JADE1: variants seen among roughly 807,000 people sequenced by gnomAD.
The protein encoded by JADE1 is protein Jade-1.
In JADE1, 14 loss-of-function variants were observed where a neutral mutation model predicts 81.8. The ratio of observed to expected loss-of-function variants is 0.17; its 90% CI spans 0.11 to 0.27. JADE1 has a LOEUF of 0.27. JADE1 is among the 10% of genes least tolerant of loss of function. The probability of loss-of-function intolerance (pLI) is 1.00; values close to 1 mark genes in which losing one functional copy is unlikely to be tolerated. For synonymous variants in JADE1, 353 were observed against 391.9 expected, an observed-to-expected ratio of 0.90 and a Z score of 1.17; for missense variants, 690 against 1,047.9, an observed-to-expected ratio of 0.66 and a Z score of 4.71.
At chr4:128,863,312 T>C in intron 9 of JADE1, 1 of 985,552 alleles carries the variant, frequency 1.0e-6, no homozygotes, top group Non-Finnish European at 1.2e-6. Flanking sequence ...CCCTGGCTGC[T>C]GGCTACCGAT....
At chr4:128,848,417 G>A (rs942513691) in intron 4 of JADE1, among the ~76,000 whole-genome samples, 9 of 152,174 alleles carry the variant, frequency 5.9e-5, no homozygotes, top group African/African-American at 2.2e-4. Context: ...GACCTCAAAT[G>A]ATCCGCCTGC....
At chr4:128,810,949 A>G (rs1726297150) in intron 1 of JADE1, among the ~76,000 whole-genome samples, 1 of 152,040 alleles carries the variant, frequency 6.6e-6, no homozygotes, top group South Asian at 2.1e-4. Flanking sequence ...ACCATCTGCA[A>G]ATTGTGGGGG....
intron 1 of JADE1, among the ~76,000 whole-genome samples, chr4:128,831,218 G>A (rs777076549): frequency 1.3e-4 from 20 of 152,240 alleles, no homozygotes; most frequent in Admixed American, 2.6e-4. Context: ...TCCATTACCC[G>A]ATTTGTTTTG....
rs534504489 is a variant in JADE1 at position 128,859,479 on chromosome 4, G to T, written c.981+2025G>T. Among the ~76,000 whole-genome samples, 6 of 152,084 alleles carry T rather than the reference G, an allele frequency of 3.9e-5. No homozygotes were observed. In the South Asian group the frequency reaches 1.3e-3, roughly 32 times the overall value. Reference sequence around the variant, plus strand: ...AGTGCGTGAGTATGCACATGAGTATGCATGTGAGTATGCATGTGTATGTGT... The same window carrying T: ...AGTGCGTGAGTATGCACATGAGTATTCATGTGAGTATGCATGTGTATGTGT... On this transcript the variant is annotated intron_variant, in intron 8 of 10. Transcript: ENST00000226319.
At chr4:128,860,986 T>C (rs557574606) in intron 8 of JADE1, among the ~76,000 whole-genome samples, 1 of 152,202 alleles carries the variant, frequency 6.6e-6, no homozygotes. Context: ...CTCCTATTTT[T>C]TGGGGTTTTT....
At chr4:128,827,085 T>C (rs1728144534) in intron 1 of JADE1, among the ~76,000 whole-genome samples, 1 of 152,140 alleles carries the variant, frequency 6.6e-6, no homozygotes, top group South Asian at 2.1e-4. Context: ...CAGTCTCCTA[T>C]CCACCGGCCC....
intron 7 of JADE1, among the ~76,000 whole-genome samples, chr4:128,857,023 G>A (rs1439911979): frequency 6.6e-6 from 1 of 152,180 alleles, no homozygotes; most frequent in Non-Finnish European, 1.5e-5. Flanking sequence ...AATTTGTTAT[G>A]AGCTAGAGAT....
chr4:128,825,036 C>T (rs1174778497), intron 1 of JADE1, among the ~76,000 whole-genome samples: 6 of 152,102 alleles, frequency 3.9e-5, no homozygotes, highest in Admixed American at 3.9e-4. Flanking sequence ...AGTTACCTTT[C>T]CCTTTTTTTG....
rs190721914 is a variant in JADE1, at chr4:128,873,112, A to G, written c.*850A>G. The G allele has an allele frequency of 1.6e-5, 5 of 318,710 alleles. No individual in the cohort carries two copies. In the East Asian group the frequency reaches 3.1e-4, roughly 20 times the overall value. The allele number at this position is 318,710 out of a possible 1,614,324, so 19.7% of individuals were successfully genotyped here. ...CCCTGGCCATTGCCAATACCTGGCC[A>G]TCTGGCTTCCAATAGTACAGTGGCT... On this transcript the variant is annotated 3_prime_UTR_variant, in exon 11 of 11. Transcript: ENST00000226319.
At chr4:128,866,004 C>G (rs1731752116) in intron 9 of JADE1, among the ~76,000 whole-genome samples, 1 of 152,050 alleles carries the variant, frequency 6.6e-6, no homozygotes, top group Non-Finnish European at 1.5e-5. Flanking sequence ...GTTCTGTTTC[C>G]TAGAAGTTTT....
intron 9 of JADE1, chr4:128,862,786 G>A (rs1244162052): frequency 1.0e-6 from 1 of 1,002,086 alleles, no homozygotes; most frequent in African/African-American, 1.7e-5. Flanking sequence ...CTGTCATGGA[G>A]CAGAGCAGGC....
At chr4:128,858,515 C>T (rs1269544187) in intron 8 of JADE1, among the ~76,000 whole-genome samples, 1 of 152,084 alleles carries the variant, frequency 6.6e-6, no homozygotes, top group Non-Finnish European at 1.5e-5. Flanking sequence ...GTCATCCTGT[C>T]AGCCATGGGT....
Position 128,872,273 on chromosome 4 carries a change from A to T in JADE1, c.*11A>T, listed in dbSNP as rs770239701. 4 of 1,609,816 alleles carry T rather than the reference A, an allele frequency of 2.5e-6. No individual in the cohort carries two copies. In the East Asian group the frequency reaches 8.9e-5, roughly 36 times the overall value. Reference sequence around the variant, plus strand: ...ATCTTGGCTTCTTGATGCAACAGAGATGATGCGGAAGCCCTTTGGGCTCGT... The same window carrying T: ...ATCTTGGCTTCTTGATGCAACAGAGTTGATGCGGAAGCCCTTTGGGCTCGT... On this transcript the variant is annotated 3_prime_UTR_variant, in exon 11 of 11. Coordinates refer to ENST00000226319, the MANE Select transcript of JADE1 (RefSeq NM_199320.4).
At chr4:128,817,928 T>A (rs1044602408) in intron 1 of JADE1, among the ~76,000 whole-genome samples, 10 of 152,202 alleles carry the variant, frequency 6.6e-5, no homozygotes, top group African/African-American at 1.9e-4. Context: ...AACAGTGATT[T>A]TTCTGCTTAT....
In JADE1 at chr4:128,861,819, C is replaced by T. The variant is rs752282917; in HGVS notation, c.1097C>T (p.Pro366Leu). Reference protein sequence around the residue: ...NDEVKFKSYCPKHSSHRKPEE... With the variant: ...NDEVKFKSYCLKHSSHRKPEE... ...GAAGTCAAGTTCAAGTCCTATTGCC[C>T]AAAGCACAGCTCACATAGGAAACCC... The change falls in exon 9 of 11, where the codon CCA becomes CTA. Residue 366 changes from proline (P) to leucine (L), a missense_variant. This residue lies in a region of JADE1 where 77 missense variants were observed against 76.4 expected (regional missense o/e 1.01). Transcript: ENST00000226319. 36 of 1,614,170 alleles carry T rather than the reference C, an allele frequency of 2.2e-5. No homozygotes were observed. The South Asian group carries it at 3.5e-4, about 16-fold the overall frequency.
rs1732401262 is a variant in JADE1 at position 128,874,167 on chromosome 4, G to C, written c.*1905G>C. 3 of 152,544 alleles carry C rather than the reference G, an allele frequency of 2.0e-5. No homozygotes were observed. The highest frequency in any genetic ancestry group is 7.2e-5 in the African/African-American group (3 of 41,432). The allele number at this position is 152,544 out of a possible 1,614,324, so 9.4% of individuals were successfully genotyped here. On this transcript the variant is annotated 3_prime_UTR_variant, in exon 11 of 11. Coordinates refer to ENST00000226319, the MANE Select transcript of JADE1 (RefSeq NM_199320.4). ...CACTTGTAGGATAATTTAAAAATTA[G>C]ATTTTTTTTGCATATGAGCAAAAAC...
chr4:128,860,643 A>G (rs1731243939), intron 8 of JADE1, among the ~76,000 whole-genome samples: 2 of 152,198 alleles, frequency 1.3e-5, no homozygotes, highest in South Asian at 4.1e-4. Context: ...ACCACCTTCT[A>G]GGGATTTGCT....
At chr4:128,815,792 T>C (rs1357257616) in intron 1 of JADE1, among the ~76,000 whole-genome samples, 1 of 152,166 alleles carries the variant, frequency 6.6e-6, no homozygotes, top group East Asian at 1.9e-4. Context: ...TTACAGTTAA[T>C]GGTCTGTCAG....
At position 128,816,688 on chromosome 4, in the gene JADE1, G is replaced by A. The variant is rs924491406; in HGVS notation, c.-27+6811G>A. Among the ~76,000 whole-genome samples the A allele has an allele frequency of 2.6e-5, 4 of 152,298 alleles. No individual in the cohort carries two copies. The East Asian group carries it at 7.7e-4, about 29-fold the overall frequency. Reference sequence around the variant, plus strand: ...TTAATCCCTTAGACCCATAGTGTACGATGTGCACACAGTAAATGTTCAGTG... The same window carrying A: ...TTAATCCCTTAGACCCATAGTGTACAATGTGCACACAGTAAATGTTCAGTG... On this transcript the variant is annotated intron_variant, in intron 1 of 10. Coordinates refer to ENST00000226319, the MANE Select transcript of JADE1 (RefSeq NM_199320.4).
Sources: allele counts gnomAD v4.1 joint callset (sites outside exome capture counted in the v4.1 genomes callset), GRCh38; gene constraint gnomAD v4.1.1; regional missense constraint gnomAD v4.1.1; transcripts MANE v1.5; gene names NCBI Gene and HGNC (gene_info 2026-07-23, HGNC 2026-07-21).